Variants in EPCAM observed in about 807,000 individuals in gnomAD.
EPCAM encodes the protein adenocarcinoma-associated antigen.
Under a neutral mutation model 40.0 loss-of-function variants are expected in EPCAM, and 39 were observed. The observed-to-expected ratio is 0.98, with a 90% CI of 0.76 to 1.27. The LOEUF is 1.27. Among genes scored for constraint, EPCAM ranks in the 50% most tolerant of loss-of-function variants. EPCAM has a pLI of 0.00. For synonymous variants in EPCAM, 168 were observed against 132.3 expected, an observed-to-expected ratio of 1.27 and a Z score of -1.85; for missense variants, 503 against 381.2, an observed-to-expected ratio of 1.32 and a Z score of -2.66.
intron 1 of EPCAM, among the ~76,000 whole-genome samples, chr2:47,370,186 A>G (rs1671215695): frequency 6.6e-6 from 1 of 152,232 alleles, no homozygotes. Flanking sequence ...ACGCAGAAAT[A>G]ATAACCGTAA....
intron 7 of EPCAM, among the ~76,000 whole-genome samples, chr2:47,380,238 G>A (rs564380436): frequency 6.6e-6 from 1 of 152,098 alleles, no homozygotes; most frequent in African/African-American, 2.4e-5. Flanking sequence ...GGTCAGTTGA[G>A]TCCAGGAGGT....
intron 4 of EPCAM, among the ~76,000 whole-genome samples, chr2:47,376,025 C>T (rs896268381): frequency 6.6e-6 from 1 of 151,974 alleles, no homozygotes; most frequent in Non-Finnish European, 1.5e-5. Context: ...CGTTATATCA[C>T]GTTGTGCCCA....
In EPCAM at chr2:47,379,809, T is replaced by C. The variant is rs202126213; in HGVS notation, c.698T>C (p.Leu233Pro). 1 of 1,613,902 alleles carries C rather than the reference T, an allele frequency of 6.2e-7. No homozygotes were observed. Among genetic ancestry groups the C allele is most frequent in the Non-Finnish European group, 8.5e-7 (1 of 1,179,924 alleles). ...ESLFHSKKMD[L>P]TVNGEQLDLD... ...TTGTTTCATTCTAAGAAAATGGACC[T>C]GACAGTAAATGGGGAACAACTGGAT... The change falls in exon 7 of 9, where the codon CTG (leucine) becomes CCG (proline). Residue 233 changes from leucine to proline, a missense_variant. Coordinates refer to ENST00000263735, the MANE Select transcript of EPCAM (RefSeq NM_002354.3).
At chr2:47,386,417 T>C (rs932734481) in intron 8 of EPCAM, among the ~76,000 whole-genome samples, 155 bp from the exon 9 acceptor site, 3 of 152,212 alleles carry the variant, frequency 2.0e-5, no homozygotes, top group Admixed American at 2.0e-4. Flanking sequence ...CCTTGCAATA[T>C]AACTTTTTCT....
chr2:47,380,975 A>T (rs1010010986), intron 7 of EPCAM, among the ~76,000 whole-genome samples: 1 of 147,772 alleles, frequency 6.8e-6, no homozygotes, highest in Non-Finnish European at 1.5e-5. Context: ...CCTGTAATCT[A>T]TTCGGGAGGC....
chr2:47,371,005 G>T (rs181278710), intron 1 of EPCAM, among the ~76,000 whole-genome samples: 1 of 151,864 alleles, frequency 6.6e-6, no homozygotes, highest in African/African-American at 2.4e-5. Context: ...CAGCCACAGT[G>T]CCAGCCGAAT....
rs1048436074 is a variant in EPCAM, at chr2:47,374,005, G to T, written c.382G>T (p.Asp128Tyr). 3 of 1,614,182 alleles carry T rather than the reference G, an allele frequency of 1.9e-6. No individual in the cohort carries two copies. The highest frequency in any genetic ancestry group is 2.5e-6 in the Non-Finnish European group (3 of 1,180,036). Residue 128 changes from aspartate to tyrosine, a missense_variant, in exon 3 of 9, where the codon GAC becomes TAC. Physicochemically the swap from Asp to Tyr is radical, Grantham distance 160. Transcript: ENST00000263735. ...CVNTAGVRRTDKDTEITCSER... is the reference protein window; with the variant it reads ...CVNTAGVRRTYKDTEITCSER... Reference sequence around the variant, plus strand: ...GAACACTGCTGGGGTCAGAAGAACAGACAAGGACACTGAAATAACCTGCTC... The same window carrying T: ...GAACACTGCTGGGGTCAGAAGAACATACAAGGACACTGAAATAACCTGCTC...
intron 5 of EPCAM, chr2:47,377,829 C>G (rs192822015): frequency 2.3e-6 from 1 of 437,784 alleles, no homozygotes; most frequent in South Asian, 1.7e-5. Context: ...ACTCTTTAAA[C>G]TCTGGTTTAA....
At chr2:47,384,452 C>T (rs895473558) in intron 7 of EPCAM, among the ~76,000 whole-genome samples, 9 of 150,582 alleles carry the variant, frequency 6.0e-5, no homozygotes, top group Non-Finnish European at 7.4e-5. Flanking sequence ...CCCACTCTGT[C>T]GCCCAGGCTG....
intron 7 of EPCAM, among the ~76,000 whole-genome samples, chr2:47,384,651 C>G (rs1338506512): frequency 6.6e-6 from 1 of 151,936 alleles, no homozygotes; most frequent in Admixed American, 6.6e-5. Flanking sequence ...CTCCTGACCT[C>G]AAGTGATCCG....
rs878854488 is a variant in EPCAM, at chr2:47,375,237, G to A, written c.429G>A (p.Trp143Ter). The A allele has an allele frequency of 3.1e-6, 5 of 1,605,408 alleles. No individual in the cohort carries two copies. The highest frequency in any genetic ancestry group is 4.3e-6 in the Non-Finnish European group (5 of 1,172,376). ...ITCSERVRTY[W>*]IIIELKHKAR... The stretch of plus-strand genomic sequence containing the variant: ...ACATTGTCTTTTTACTTTATAGCTG[G>A]ATCATCATTGAACTAAAACACAAAG... The change falls in exon 4 of 9, where the codon TGG (tryptophan) becomes TGA (stop). Residue 143 changes from tryptophan to a stop codon, truncating the protein, a stop_gained. Coordinates refer to ENST00000263735, the MANE Select transcript of EPCAM (RefSeq NM_002354.3). LOFTEE classifies it high-confidence loss of function.
At chr2:47,378,279 C>T (rs1368060538) in intron 5 of EPCAM, among the ~76,000 whole-genome samples, 1 of 150,698 alleles carries the variant, frequency 6.6e-6, no homozygotes, top group Non-Finnish European at 1.5e-5. Flanking sequence ...TGCGTTTTAC[C>T]TTGCATTTCT....
rs863224711 is a variant in EPCAM at position 47,374,003 on chromosome 2, C to T, written c.380C>T (p.Thr127Ile). Reference protein sequence around the residue: ...WCVNTAGVRRTDKDTEITCSE... With the variant: ...WCVNTAGVRRIDKDTEITCSE... ...GTGAACACTGCTGGGGTCAGAAGAA[C>T]AGACAAGGACACTGAAATAACCTGC... The change falls in exon 3 of 9, where the codon ACA becomes ATA. Residue 127 changes from threonine (T) to isoleucine (I), a missense_variant. By Grantham distance (89) the Thr-to-Ile change is moderately conservative. Coordinates refer to ENST00000263735, the MANE Select transcript of EPCAM (RefSeq NM_002354.3). The T allele has an allele frequency of 1.2e-6, 2 of 1,614,140 alleles. No homozygotes were observed. The highest frequency in any genetic ancestry group is 1.3e-5 in the African/African-American group (1 of 75,044).
chr2:47,380,069 A>G, intron 7 of EPCAM, 100 bp downstream of exon 7: 6 of 1,531,974 alleles, frequency 3.9e-6, no homozygotes, highest in Non-Finnish European at 4.4e-6. Flanking sequence ...TTATCCCTAC[A>G]CTTTGGGAGG....
At chr2:47,385,343 A>G (rs779675023) in intron 8 of EPCAM, 133 bp downstream of exon 8, 9 of 770,926 alleles carry the variant, frequency 1.2e-5, no homozygotes, top group African/African-American at 3.4e-5. Context: ...GGTCTTAGGG[A>G]CAGTCTTAGA....
intron 4 of EPCAM, among the ~76,000 whole-genome samples, chr2:47,376,350 G>A (rs534791345): frequency 2.7e-5 from 4 of 149,262 alleles, no homozygotes; most frequent in East Asian, 2.0e-4. Flanking sequence ...TCTGCTTCCC[G>A]GATTCAAGCG....
rs1558432728 is a variant in EPCAM, at chr2:47,369,555, CGGCGACTTTTGCCGCAGCTCA to C, written c.53_73del (p.Ala18_Gln24del). 9.4e-6 allele frequency: 15 copies of C among 1,588,512 alleles called. No homozygotes were observed. Among genetic ancestry groups the C allele is most frequent in the Admixed American group, 1.8e-5 (1 of 56,014 alleles). On this transcript the variant is annotated inframe_deletion, in exon 1 of 9. Coordinates refer to ENST00000263735, the MANE Select transcript of EPCAM (RefSeq NM_002354.3). The stretch of plus-strand genomic sequence containing the variant: ...TTCGGGCTTCTGCTTGCCGCGGCGA[CGGCGACTTTTGCCGCAGCTCA>C]GGAAGGTGAGGCGCGGATTGGAGCA...
chr2:47,386,410 T>G lies in EPCAM; in HGVS notation c.904-162T>G, dbSNP rs1167370271. Among the ~76,000 whole-genome samples the G allele has an allele frequency of 2.6e-5, 4 of 152,204 alleles. No individual in the cohort carries two copies. The South Asian group carries it at 6.2e-4, about 24-fold the overall frequency. Reference sequence around the variant, plus strand: ...GAAAACACTTAAATGTGTGTTTCCTTGCAATATAACTTTTTCTTTTTTTAT... The same window carrying G: ...GAAAACACTTAAATGTGTGTTTCCTGGCAATATAACTTTTTCTTTTTTTAT... On this transcript the variant is annotated intron_variant, in intron 8 of 8. Coordinates refer to ENST00000263735, the MANE Select transcript of EPCAM (RefSeq NM_002354.3).
chr2:47,376,899 A>C, intron 4 of EPCAM, 115 bp from the exon 5 acceptor site: 1 of 699,064 alleles, frequency 1.4e-6, no homozygotes, highest in East Asian at 2.7e-5. Context: ...ATGGCAGAAA[A>C]ATTTTAACTT....
Sources: gnomAD v4.1 joint callset for allele counts (sites outside exome capture counted in the v4.1 genomes callset) on GRCh38, gnomAD v4.1.1 for gene constraint, MANE v1.5 for transcripts, NCBI Gene and HGNC (gene_info 2026-07-23, HGNC 2026-07-21) for gene names.